The following NLRP9 variants were observed in gnomAD, a reference collection of about 807,000 sequenced individuals.
NLRP9 encodes the protein NLR family pyrin domain containing 9.
NLRP9 carries 88 observed loss-of-function variants against 83.1 expected under a neutral mutation model. The observed-to-expected ratio is 1.06, with a 90% CI of 0.89 to 1.26. NLRP9 has a LOEUF of 1.26. Among genes scored for constraint, NLRP9 ranks in the 50% most tolerant of loss-of-function variants. The pLI is 0.00. For synonymous variants in NLRP9, 521 were observed against 447.6 expected (o/e 1.16, Z -2.07); for missense variants, 1,308 against 1,179.3 (o/e 1.11, Z -1.60).
intron 8 of NLRP9, chr19:55,709,984 A>T (rs985598117): frequency 6.6e-6 from 1 of 152,128 alleles, no homozygotes. Context: ...TTTATCTCCA[A>T]TTATAAAAAG....
chr19:55,720,320 T>C (rs1212023151), intron 4 of NLRP9, among the ~76,000 whole-genome samples: 1 of 152,154 alleles, frequency 6.6e-6, no homozygotes, highest in African/African-American at 2.4e-5. Context: ...ACTTTGGGCT[T>C]GGAAACAATT....
In NLRP9 at chr19:55,738,198, C is replaced by T. The variant is rs746295112; in HGVS notation, c.177G>A (p.Leu59=). 6 of 1,614,032 alleles carry T rather than the reference C, an allele frequency of 3.7e-6. No individual in the cohort carries two copies. The highest frequency in any genetic ancestry group is 1.7e-5 in the Admixed American group (1 of 59,990). The stretch of plus-strand genomic sequence containing the variant: ...CCTGCTTTCCTGGGTAATGTTTGTC[C>T]AGCAGCTTTGCTACATCTTCTTTGG... ...KASKEDVAKL[L]DKHYPGKQAW... Residue 59 remains leucine (L), a synonymous_variant, in exon 1 of 9, where the codon CTG becomes CTA. Transcript: ENST00000332836.
At chr19:55,720,189 A>T (rs533750507) in intron 4 of NLRP9, among the ~76,000 whole-genome samples, 3 of 152,324 alleles carry the variant, frequency 2.0e-5, no homozygotes, top group South Asian at 4.1e-4. Flanking sequence ...TTCATATGTG[A>T]ATTTTTTTTA....
intron 5 of NLRP9, among the ~76,000 whole-genome samples, chr19:55,716,370 T>A (rs1988011749): frequency 6.6e-6 from 1 of 151,318 alleles, no homozygotes; most frequent in African/African-American, 2.4e-5. Context: ...GGGATTCTCC[T>A]GCCTCAGCCT....
intron 5 of NLRP9, among the ~76,000 whole-genome samples, chr19:55,716,260 T>C (rs1013783968): frequency 1.9e-5 from 2 of 106,810 alleles, no homozygotes; most frequent in Admixed American, 1.7e-4. Flanking sequence ...AAATTTTCTT[T>C]TTTTTTTTTT....
rs1237109706 is a variant in NLRP9, at chr19:55,732,883, T to C, written c.948A>G (p.Lys316=). The C allele has an allele frequency of 2.5e-6, 4 of 1,614,046 alleles. No individual in the cohort carries two copies. The South Asian group carries it at 4.4e-5, about 18-fold the overall frequency. Residue 316 remains lysine (K), a synonymous_variant, in exon 2 of 9, where the codon AAA becomes AAG. Transcript: ENST00000332836. ...TCACAAAATTGAAGACTTTCAGGGC[T>C]TTGCTCTTCTCACCAAAGAAGTAGG... ...YFSYFFGEKS[K]ALKVFNFVRD...
intron 7 of NLRP9, 90 bp downstream of exon 7, chr19:55,712,329 AC>A (rs1987766082): frequency 8.7e-7 from 1 of 1,143,000 alleles, no homozygotes; most frequent in Non-Finnish European, 1.3e-6. Context: ...TTGCTTTTAA[AC>A]CTGCCTCCCT....
Position 55,733,246 on chromosome 19 carries a change from C to G in NLRP9, c.585G>C (p.Glu195Asp). The change falls in exon 2 of 9, where the codon GAG (glutamate) becomes GAC (aspartate). Residue 195 changes from glutamate to aspartate, a missense_variant. Physicochemically the swap from Glu to Asp is conservative, Grantham distance 45. Coordinates refer to ENST00000332836, the MANE Select transcript of NLRP9 (RefSeq NM_176820.4). The part of the protein sequence containing the change: ...LNVCEMNGIA[E>D]TSLLELLSRD... ...TAGAGAGGAGCTCCAGTAAGCTGGT[C>G]TCTGCGATACCGTTCATTTCACAGA... 2 of 1,613,936 alleles carry G rather than the reference C, an allele frequency of 1.2e-6. No individual in the cohort carries two copies. The highest frequency in any genetic ancestry group is 1.3e-5 in the African/African-American group (1 of 75,054).
Position 55,712,471 on chromosome 19 carries a change from C to CTT in NLRP9, c.2620_2621insAA (p.Arg874LysfsTer15). Reference sequence around the variant, plus strand: ...ATGCTGCAAAGCTGCACATAACTGTCTGACACCAGTGTCTCCTATTTCATT... The same window carrying CTT: ...ATGCTGCAAAGCTGCACATAACTGTCTTTGACACCAGTGTCTCCTATTTCATT... On this transcript the variant is annotated frameshift_variant, in exon 7 of 9. Transcript: ENST00000332836. LOFTEE classifies it high-confidence loss of function. 1.9e-6 allele frequency: 3 copies of CTT among 1,612,876 alleles called. No individual in the cohort carries two copies. Among genetic ancestry groups the CTT allele is most frequent in the Non-Finnish European group, 1.7e-6 (2 of 1,179,850 alleles).
chr19:55,725,186 T>A (rs1347647825), intron 3 of NLRP9, among the ~76,000 whole-genome samples: 1 of 152,228 alleles, frequency 6.6e-6, no homozygotes, highest in Non-Finnish European at 1.5e-5. Context: ...ACTACAAATA[T>A]GTGTCTATAA....
chr19:55,712,718 A>T (rs1987789228), intron 6 of NLRP9, 128 bp from the exon 7 acceptor site: 24 of 429,432 alleles, frequency 5.6e-5, no homozygotes, highest in Non-Finnish European at 9.0e-5. Flanking sequence ...GAGGGTGGGG[A>T]GGGGAAGGAG....
intron 5 of NLRP9, 132 bp downstream of exon 5, chr19:55,716,596 A>G: frequency 1.4e-6 from 1 of 712,524 alleles, no homozygotes; most frequent in Non-Finnish European, 2.4e-6. Context: ...GGCGTGGGAA[A>G]GGAACTCAGG....
chr19:55,732,611 G>A lies in NLRP9; in HGVS notation c.1220C>T (p.Thr407Ile). The A allele has an allele frequency of 6.2e-7, 1 of 1,614,206 alleles. No individual in the cohort carries two copies. The highest frequency in any genetic ancestry group is 1.1e-5 in the South Asian group (1 of 91,082). Residue 407 changes from threonine to isoleucine, a missense_variant, in exon 2 of 9, where the codon ACA (threonine) becomes ATA (isoleucine). Coordinates refer to ENST00000332836, the MANE Select transcript of NLRP9 (RefSeq NM_176820.4). ...ALAAEGIWTYTFVFSHGDLRR... is the reference protein window; with the variant it reads ...ALAAEGIWTYIFVFSHGDLRR... Reference sequence around the variant, plus strand: ...GAGATCCCCATGGGAAAATACAAATGTATATGTCCAAATTCCCTCTGCAGC... The same window carrying A: ...GAGATCCCCATGGGAAAATACAAATATATATGTCCAAATTCCCTCTGCAGC...
chr19:55,709,640 A>G (rs889510775), intron 8 of NLRP9: 5 of 152,218 alleles, frequency 3.3e-5, no homozygotes, highest in African/African-American at 9.7e-5. Flanking sequence ...AATAACATCA[A>G]TTTGTTAAAT....
intron 6 of NLRP9, among the ~76,000 whole-genome samples, 158 bp downstream of exon 6, chr19:55,714,897 T>A (rs566536546): frequency 6.6e-6 from 1 of 152,186 alleles, no homozygotes; most frequent in African/African-American, 2.4e-5. Flanking sequence ...AGGATCCACC[T>A]CCTAGTACCA....
intron 6 of NLRP9, 47 bp from the exon 7 acceptor site, chr19:55,712,637 C>T (rs996164904): frequency 2.0e-6 from 3 of 1,495,312 alleles, no homozygotes; most frequent in Middle Eastern, 2.0e-4. Flanking sequence ...TGAGGTCAAT[C>T]ATAACAGCCC....
At position 55,716,874 on chromosome 19, in the gene NLRP9, A is replaced by G. The variant is rs771025704; in HGVS notation, c.2184T>C (p.Ser728=). Residue 728 remains serine (S), a synonymous_variant, in exon 5 of 9, where the codon AGT becomes AGC. Coordinates refer to ENST00000332836, the MANE Select transcript of NLRP9 (RefSeq NM_176820.4). ...CGGAGGCGATGTCTTCACAAACTTC[A>G]CTGGAGATGTCACACTTTCCCAGTC... ...ELILGKCDIS[S]EVCEDIASVL... 1 of 1,613,716 alleles carries G rather than the reference A, an allele frequency of 6.2e-7. No individual in the cohort carries two copies. Among genetic ancestry groups the G allele is most frequent in the Non-Finnish European group, 8.5e-7 (1 of 1,179,898 alleles).
intron 3 of NLRP9, among the ~76,000 whole-genome samples, chr19:55,729,111 T>TCTTC (rs1427325180): frequency 7.0e-6 from 1 of 143,208 alleles, no homozygotes; most frequent in African/African-American, 2.6e-5. Flanking sequence ...TCCTCAGCAC[T>TCTTC]CTTCCTTTCT....
chr19:55,726,213 C>T (rs1374564204), intron 3 of NLRP9, among the ~76,000 whole-genome samples: 1 of 151,984 alleles, frequency 6.6e-6, no homozygotes, highest in East Asian at 1.9e-4. Context: ...AGCAAACAAT[C>T]GAGTCAACAG....
Sources: allele counts gnomAD v4.1 joint callset (sites outside exome capture counted in the v4.1 genomes callset), GRCh38; gene constraint gnomAD v4.1.1; transcripts MANE v1.5; gene names NCBI Gene and HGNC (gene_info 2026-07-23, HGNC 2026-07-21).